The following COL4A1 variants were observed in gnomAD, a reference collection of about 807,000 sequenced individuals.
COL4A1 encodes collagen alpha-1(IV) chain.
Under a neutral mutation model 216.6 loss-of-function variants are expected in COL4A1, and 40 were observed. That is an observed-to-expected ratio of 0.18 (90% CI 0.14 to 0.24). The LOEUF is 0.24. Among genes scored for constraint, COL4A1 ranks in the 10% least tolerant of loss-of-function variants. The probability of loss-of-function intolerance (pLI) is 1.00; values close to 1 mark genes in which losing one functional copy is unlikely to be tolerated. For synonymous variants in COL4A1, 839 were observed against 810.7 expected, an observed-to-expected ratio of 1.03 and a Z score of -0.59; for missense variants, 1,628 against 2,196.8, an observed-to-expected ratio of 0.74 and a Z score of 5.18.
chr13:110,219,868 GTGTATATATGTATA>G (rs1566385945), intron 2 of COL4A1, among the ~76,000 whole-genome samples: 5 of 101,220 alleles, frequency 4.9e-5, no homozygotes, highest in Non-Finnish European at 1.0e-4. Flanking sequence ...ATATATGTGT[GTGTATATATGTATA>G]TATATGTGTG....
chr13:110,208,921 A>G (rs760588156), intron 11 of COL4A1, 31 bp from the exon 12 acceptor site: 2 of 1,609,326 alleles, frequency 1.2e-6, no homozygotes, highest in Non-Finnish European at 1.7e-6. Flanking sequence ...TCTCATTATT[A>G]GATTTGTCTA....
chr13:110,219,138 A>T (rs565808044), intron 2 of COL4A1, among the ~76,000 whole-genome samples: 1 of 152,202 alleles, frequency 6.6e-6, no homozygotes, highest in Non-Finnish European at 1.5e-5. Flanking sequence ...CTCCCTCCAC[A>T]CCATGAGGCT....
chr13:110,150,504 G>A (rs41275084), intron 51 of COL4A1, 60 bp from the exon 52 acceptor site: 19,186 of 1,525,184 alleles, frequency 0.013, 170 homozygotes, highest in Non-Finnish European at 0.015. Flanking sequence ...CAGAAACATG[G>A]CACTCCTGCC....
At chr13:110,249,053 AG>A (rs1397150308) in intron 1 of COL4A1, among the ~76,000 whole-genome samples, 1 of 152,124 alleles carries the variant, frequency 6.6e-6, no homozygotes, top group Non-Finnish European at 1.5e-5. Flanking sequence ...CCAGGGCCCA[AG>A]AATGCCCTAA....
chr13:110,189,093 C>T (rs1434841644), intron 24 of COL4A1, among the ~76,000 whole-genome samples: 3 of 152,154 alleles, frequency 2.0e-5, no homozygotes, highest in East Asian at 1.9e-4. Context: ...GACAGATTTT[C>T]GCTCTTGTTG....
chr13:110,217,075 C>A (rs6492246), intron 2 of COL4A1, among the ~76,000 whole-genome samples: 59 of 152,090 alleles, frequency 3.9e-4, no homozygotes, highest in African/African-American at 1.2e-3. Context: ...ATTTTTTTAA[C>A]GTTCTTAATC....
chr13:110,262,183 C>T (rs9559753), intron 1 of COL4A1, among the ~76,000 whole-genome samples: 29,366 of 152,090 alleles, frequency 0.19, 3,447 homozygotes, highest in Admixed American at 0.27. Flanking sequence ...GGTCACCGCA[C>T]CCCGAGAGGT....
At position 110,211,588 on chromosome 13, in the gene COL4A1, C is replaced by T; in HGVS notation, c.468+59G>A. Reference sequence around the variant, plus strand: ...TTAAAGAGAATGTGCTTCTATGGCACTTGTTGTAAACAGATTCCCTGTAAT... The same window carrying T: ...TTAAAGAGAATGTGCTTCTATGGCATTTGTTGTAAACAGATTCCCTGTAAT... On this transcript the variant is annotated intron_variant, in intron 8 of 51. Coordinates refer to ENST00000375820, the MANE Select transcript of COL4A1 (RefSeq NM_001845.6). The surrounding 1 kb of genome is among the most constrained non-coding windows in gnomAD (Gnocchi z 4.3). 2 of 1,537,280 alleles carry T rather than the reference C, an allele frequency of 1.3e-6. No individual in the cohort carries two copies. Among genetic ancestry groups the T allele is most frequent in the Non-Finnish European group, 1.8e-6 (2 of 1,124,648 alleles).
At chr13:110,166,195 A>T in intron 45 of COL4A1, 37 bp downstream of exon 45, 1 of 1,257,972 alleles carries the variant, frequency 7.9e-7, no homozygotes, top group Non-Finnish European at 1.2e-6. Flanking sequence ...TTCACAAAGC[A>T]CCAGTAAGGT....
chr13:110,178,281 T>C (rs368984556), intron 31 of COL4A1, 50 bp from the exon 32 acceptor site: 2 of 1,609,080 alleles, frequency 1.2e-6, no homozygotes, highest in African/African-American at 2.7e-5. Context: ...TACAGAATGA[T>C]CTACAATGTA....
rs1487648327 is a variant in COL4A1 at position 110,252,550 on chromosome 13, TAC to T, written c.85-9818_85-9817del. Among the ~76,000 whole-genome samples, 54 of 65,660 alleles carry T rather than the reference TAC, an allele frequency of 8.2e-4. 13 individuals carry two copies. The highest frequency in any genetic ancestry group is 8.9e-3 in the Middle Eastern group (1 of 112). 43.1% of individuals were successfully genotyped at this position (65,660 alleles called of 152,430 possible). ...ATTATACGTATATATGTATTATATA[TAC>T]GTATAATTATACGTATATATGTATT... On this transcript the variant is annotated intron_variant, in intron 1 of 51. Coordinates refer to ENST00000375820, the MANE Select transcript of COL4A1 (RefSeq NM_001845.6).
intron 48 of COL4A1, 178 bp downstream of exon 48, chr13:110,162,052 T>C (rs1877109298): frequency 1.4e-6 from 1 of 712,804 alleles, no homozygotes; most frequent in African/African-American, 1.7e-5. Flanking sequence ...AACCGATTAT[T>C]TGTAATCAAT....
At chr13:110,225,861 A>T (rs964452135) in intron 2 of COL4A1, among the ~76,000 whole-genome samples, 1 of 152,202 alleles carries the variant, frequency 6.6e-6, no homozygotes, top group African/African-American at 2.4e-5. Flanking sequence ...TCTGAAAATC[A>T]GCTTTGCCAT....
intron 22 of COL4A1, among the ~76,000 whole-genome samples, chr13:110,193,737 G>A (rs1173790984): frequency 6.6e-6 from 1 of 152,240 alleles, no homozygotes; most frequent in African/African-American, 2.4e-5. Context: ...AACAGGGCCA[G>A]TGCAGGTAGG....
intron 2 of COL4A1, among the ~76,000 whole-genome samples, chr13:110,239,342 T>C (rs544857892): frequency 3.3e-5 from 5 of 152,220 alleles, no homozygotes; most frequent in Non-Finnish European, 7.3e-5. Flanking sequence ...CTGTTGAGGA[T>C]ACTGATGGTT....
At chr13:110,158,739 CTTT>C (rs556230875) in intron 49 of COL4A1, among the ~76,000 whole-genome samples, 14 of 105,820 alleles carry the variant, frequency 1.3e-4, no homozygotes, top group Admixed American at 3.0e-4. Context: ...AAGAAATAAA[CTTT>C]TTTTTTTTTT....
intron 29 of COL4A1, among the ~76,000 whole-genome samples, chr13:110,180,568 T>C (rs1878102008): frequency 6.6e-6 from 1 of 152,276 alleles, no homozygotes; most frequent in African/African-American, 2.4e-5. Flanking sequence ...TACCAATGCC[T>C]TCTGGCAATT....
chr13:110,158,395 C>T (rs1278871634), intron 49 of COL4A1, among the ~76,000 whole-genome samples: 4 of 152,194 alleles, frequency 2.6e-5, no homozygotes, highest in South Asian at 4.1e-4. Context: ...TTGCCTGGCA[C>T]GTAACCCTGG....
At chr13:110,162,698 C>T (rs1877142124) in intron 47 of COL4A1, among the ~76,000 whole-genome samples, 1 of 151,976 alleles carries the variant, frequency 6.6e-6, no homozygotes, top group African/African-American at 2.4e-5. Context: ...CGGTGCAGAG[C>T]AGATGCTTGA....
Sources: allele counts gnomAD v4.1 joint callset (sites outside exome capture counted in the v4.1 genomes callset), GRCh38; gene constraint gnomAD v4.1.1; non-coding constraint Gnocchi (gnomAD v3.1); transcripts MANE v1.5; gene names NCBI Gene and HGNC (gene_info 2026-07-23, HGNC 2026-07-21).